Variants in LIPG observed in about 807,000 individuals in gnomAD.
The protein encoded by LIPG is endothelial lipase.
Under a neutral mutation model 51.8 loss-of-function variants are expected in LIPG, and 34 were observed. The ratio of observed to expected loss-of-function variants is 0.66; its 90% CI spans 0.50 to 0.87. The LOEUF is 0.87. LIPG is among the 40% of genes least tolerant of loss of function. The pLI is 0.00. For missense variants in LIPG, 580 were observed against 652.7 expected, an observed-to-expected ratio of 0.89 and a Z score of 1.21; for synonymous variants, 246 against 246.1, an observed-to-expected ratio of 1.00 and a Z score of 0.00.
At chr18:49,575,702 AC>A in intron 5 of LIPG, 112 bp downstream of exon 5, 1 of 841,992 alleles carries the variant, frequency 1.2e-6, no homozygotes, top group Non-Finnish European at 1.9e-6. Flanking sequence ...CTCACCTCCC[AC>A]CACAGAGGCC....
chr18:49,590,685 G>A lies in LIPG; in HGVS notation c.*163G>A, dbSNP rs1427311569. On this transcript the variant is annotated 3_prime_UTR_variant, in exon 10 of 10. Transcript: ENST00000261292. Reference sequence around the variant, plus strand: ...TCTCCTGTGATGGCTGGGACTCCTCGCGGGAGGGGACTGCGCTGCTATAGC... The same window carrying A: ...TCTCCTGTGATGGCTGGGACTCCTCACGGGAGGGGACTGCGCTGCTATAGC... The A allele has an allele frequency of 5.4e-6, 4 of 743,594 alleles. No individual in the cohort carries two copies. The highest frequency in any genetic ancestry group is 1.5e-5 in the South Asian group (1 of 65,602). 46.1% of individuals were successfully genotyped at this position (743,594 alleles called of 1,614,324 possible).
intron 5 of LIPG, among the ~76,000 whole-genome samples, chr18:49,579,803 C>CTT (rs1247495542): frequency 1.4e-5 from 2 of 142,546 alleles, no homozygotes; most frequent in South Asian, 2.2e-4. Flanking sequence ...CTTTTCTTTT[C>CTT]TTTTCTTTTC....
chr18:49,588,806 GA>G (rs2084911915), intron 9 of LIPG, among the ~76,000 whole-genome samples: 1 of 152,144 alleles, frequency 6.6e-6, no homozygotes, highest in African/African-American at 2.4e-5. Context: ...TGCTAAGGAG[GA>G]AGGAGACTGT....
chr18:49,577,817 G>A (rs1190045879), intron 5 of LIPG, among the ~76,000 whole-genome samples: 5 of 112,244 alleles, frequency 4.5e-5, no homozygotes, highest in African/African-American at 2.1e-4. Context: ...CCTCCCTCCC[G>A]GACGGGGCGG....
chr18:49,565,820 G>T lies in LIPG; in HGVS notation c.279+322G>T, dbSNP rs1460046136. ...CGCTGGTCAACCACTGCCTGGAGGG[G>T]GCTGTCCTGCCGTGAGAGCTGAGCT... On this transcript the variant is annotated intron_variant, in intron 2 of 9. Transcript: ENST00000261292. 3.3e-5 allele frequency among the ~76,000 whole-genome samples: 5 copies of T among 152,324 alleles called. No individual in the cohort carries two copies. In the East Asian group the frequency reaches 9.6e-4, roughly 29 times the overall value.
At chr18:49,579,767 TCTTTTCTTTTCTTTTC>T in intron 5 of LIPG, among the ~76,000 whole-genome samples, 1 of 46,478 alleles carries the variant, frequency 2.2e-5, no homozygotes, top group South Asian at 8.0e-4. Context: ...TCCTTTCCTT[TCTTTTCTTTTCTTTTC>T]TTTTCTTTTC....
In LIPG at chr18:49,575,575, T is replaced by C; in HGVS notation, c.778T>C (p.Ser260Pro). ...CTGTGGACTCAACGATGTCTTGGGA[T>C]CAATTGCATATGGAAGTGAGTTCCC... ...PGCGLNDVLG[S>P]IAYGTITEVV... Residue 260 changes from serine to proline, a missense_variant, in exon 5 of 10, where the codon TCA becomes CCA. Physicochemically the swap from Ser to Pro is moderately conservative, Grantham distance 74. Coordinates refer to ENST00000261292, the MANE Select transcript of LIPG (RefSeq NM_006033.4). 6.2e-7 allele frequency: 1 copy of C among 1,614,090 alleles called. No individual in the cohort carries two copies. The highest frequency in any genetic ancestry group is 8.5e-7 in the Non-Finnish European group (1 of 1,179,976).
chr18:49,586,321 T>G (rs2084879449), intron 8 of LIPG, among the ~76,000 whole-genome samples: 1 of 152,208 alleles, frequency 6.6e-6, no homozygotes, highest in Non-Finnish European at 1.5e-5. Flanking sequence ...TGTTTTAAAA[T>G]AAAACATTTT....
In LIPG at chr18:49,569,499, G is replaced by A; in HGVS notation, c.522G>A (p.Val174=). The A allele has an allele frequency of 6.2e-7, 1 of 1,614,200 alleles. No individual in the cohort carries two copies. The highest frequency in any genetic ancestry group is 1.1e-5 in the South Asian group (1 of 91,076). ...HLIGYSLGAH[V]AGYAGNFVKG... ...TCGGCTACAGCCTCGGAGCGCACGT[G>A]GCCGGGTATGCAGGCAACTTCGTGA... Residue 174 remains valine, a synonymous_variant, in exon 4 of 10, where the codon GTG becomes GTA. Coordinates refer to ENST00000261292, the MANE Select transcript of LIPG (RefSeq NM_006033.4).
chr18:49,575,997 C>T (rs558524017), intron 5 of LIPG, among the ~76,000 whole-genome samples: 2 of 151,984 alleles, frequency 1.3e-5, no homozygotes, highest in Non-Finnish European at 2.9e-5. Flanking sequence ...TGCCACCATG[C>T]CTGGCTAATT....
chr18:49,587,402 C>G (rs1171308353), intron 9 of LIPG, among the ~76,000 whole-genome samples: 1 of 151,308 alleles, frequency 6.6e-6, no homozygotes, highest in Non-Finnish European at 1.5e-5. Context: ...AACCTCATCT[C>G]TCTAAAAATA....
upstream of LIPG, chr18:49,561,994 A>G: frequency 4.3e-6 from 6 of 1,400,664 alleles, no homozygotes; most frequent in Non-Finnish European, 5.6e-6. Context: ...TATGCAAATC[A>G]CCATCTGGCG....
chr18:49,573,309 G>T (rs74382297), intron 4 of LIPG, among the ~76,000 whole-genome samples: 1 of 152,204 alleles, frequency 6.6e-6, no homozygotes, highest in Non-Finnish European at 1.5e-5. Context: ...ATGGGTTGTC[G>T]TGGGCTGTTC....
chr18:49,564,957 C>T (rs1357486987), intron 1 of LIPG, among the ~76,000 whole-genome samples: 1 of 152,130 alleles, frequency 6.6e-6, no homozygotes, highest in Non-Finnish European at 1.5e-5. Flanking sequence ...AATTCTGAAA[C>T]TCACCTGGTC....
rs193253494 is a variant in LIPG, at chr18:49,582,820, G to A, written c.1157+338G>A. On this transcript the variant is annotated intron_variant, in intron 7 of 9. Coordinates refer to ENST00000261292, the MANE Select transcript of LIPG (RefSeq NM_006033.4). ...TCAGGCAATCTGTAACTTCGTAAAC[G>A]TCATCCCTGGACCTCTCCTAATGAT... Among the ~76,000 whole-genome samples, 67 of 152,360 alleles carry A rather than the reference G, an allele frequency of 4.4e-4. No homozygotes were observed. The South Asian group carries it at 0.012, about 27-fold the overall frequency.
chr18:49,579,009 GGA>G (rs1401976118), intron 5 of LIPG, among the ~76,000 whole-genome samples: 1 of 26 alleles, frequency 0.038, no homozygotes, highest in East Asian at 0.5. Flanking sequence ...GTGGGGAGAG[GGA>G]GAGGGAGAGG....
intron 5 of LIPG, among the ~76,000 whole-genome samples, chr18:49,581,211 G>T (rs2084814778): frequency 6.6e-6 from 1 of 152,192 alleles, no homozygotes; most frequent in South Asian, 2.1e-4. Context: ...TGTGAGCGGG[G>T]GGTCGTGATT....
chr18:49,578,981 C>G (rs1030901103), intron 5 of LIPG, among the ~76,000 whole-genome samples: 2 of 121,430 alleles, frequency 1.6e-5, no homozygotes, highest in South Asian at 3.1e-4. Flanking sequence ...AGCTTCGGCT[C>G]CACATGAGAG....
At chr18:49,575,341 G>A (rs1193789024) in intron 4 of LIPG, 28 bp from the exon 5 acceptor site, 3 of 1,599,806 alleles carry the variant, frequency 1.9e-6, no homozygotes, top group Admixed American at 1.7e-5. Flanking sequence ...TGACACCACA[G>A]CTGTTTTGGG....
Sources: allele counts gnomAD v4.1 joint callset (sites outside exome capture counted in the v4.1 genomes callset), GRCh38; gene constraint gnomAD v4.1.1; transcripts MANE v1.5; gene names NCBI Gene and HGNC (gene_info 2026-07-23, HGNC 2026-07-21).